The following PAN3 variants were observed in gnomAD, a reference collection of about 807,000 sequenced individuals.
The protein encoded by PAN3 is PAN2-PAN3 deadenylation complex subunit PAN3.
In PAN3, 19 loss-of-function variants were observed where a neutral mutation model predicts 96.2. The ratio of observed to expected loss-of-function variants is 0.20; its 90% CI spans 0.14 to 0.29. PAN3 has a LOEUF of 0.29. Ranked by LOEUF, PAN3 falls within the 10% of genes least tolerant of loss-of-function variation. PAN3 has a pLI of 1.00. For synonymous variants in PAN3, 433 were observed against 406.6 expected (o/e 1.06, Z -0.78); for missense variants, 882 against 1,108.1 (o/e 0.80, Z 2.90).
intron 1 of PAN3, among the ~76,000 whole-genome samples, chr13:28,145,323 CT>C (rs1039776069): frequency 8.6e-5 from 13 of 151,686 alleles, no homozygotes; most frequent in African/African-American, 2.4e-4. Context: ...AATTTTTTGA[CT>C]TTTTTTTGAC....
intron 5 of PAN3, among the ~76,000 whole-genome samples, chr13:28,204,112 TTC>T (rs1879078526): frequency 6.6e-6 from 1 of 152,094 alleles, no homozygotes; most frequent in African/African-American, 2.4e-5. Context: ...CCCGACCAGC[TTC>T]TCTGTTTTAT....
chr13:28,188,137 T>A (rs1489985427), intron 4 of PAN3, among the ~76,000 whole-genome samples: 1 of 152,214 alleles, frequency 6.6e-6, no homozygotes, highest in Non-Finnish European at 1.5e-5. Context: ...TTATTTTCTT[T>A]TACAGCATCA....
chr13:28,193,384 A>T (rs1167651298), intron 4 of PAN3, among the ~76,000 whole-genome samples: 1 of 152,122 alleles, frequency 6.6e-6, no homozygotes, highest in East Asian at 1.9e-4. Flanking sequence ...TCCCTTTTTG[A>T]AATGAAGAAA....
chr13:28,144,103 A>G (rs1158048119), intron 1 of PAN3, among the ~76,000 whole-genome samples: 1 of 152,092 alleles, frequency 6.6e-6, no homozygotes, highest in Non-Finnish European at 1.5e-5. Context: ...TTAAGGTGAT[A>G]GGAACAACAA....
intron 6 of PAN3, among the ~76,000 whole-genome samples, chr13:28,254,590 G>A (rs950205412): frequency 1.3e-5 from 2 of 152,176 alleles, no homozygotes; most frequent in African/African-American, 4.8e-5. Context: ...AATTTTTGCT[G>A]TATGGATTAA....
intron 1 of PAN3, among the ~76,000 whole-genome samples, chr13:28,146,783 C>T (rs1000634804): frequency 6.6e-6 from 1 of 152,136 alleles, no homozygotes; most frequent in Non-Finnish European, 1.5e-5. Context: ...ACAGACCATC[C>T]TGGCCAACAT....
chr13:28,257,791 ATAAT>A (rs1485564729), intron 7 of PAN3, among the ~76,000 whole-genome samples: 3 of 140,312 alleles, frequency 2.1e-5, no homozygotes, highest in East Asian at 3.9e-4. Context: ...TATATAATAT[ATAAT>A]TAATATATAA....
chr13:28,193,755 A>AC (rs1374163835), intron 4 of PAN3, among the ~76,000 whole-genome samples: 8 of 149,752 alleles, frequency 5.3e-5, no homozygotes, highest in African/African-American at 1.5e-4. Context: ...AAAAAAAAAA[A>AC]ACCCAAGAAA....
chr13:28,181,442 G>A (rs1593423005), intron 4 of PAN3, among the ~76,000 whole-genome samples: 1 of 150,204 alleles, frequency 6.7e-6, no homozygotes, highest in African/African-American at 2.5e-5. Flanking sequence ...AGCCCAGGAG[G>A]TGGAGGCTGC....
chr13:28,154,855 C>G (rs1031239695), intron 1 of PAN3, among the ~76,000 whole-genome samples: 1 of 144,314 alleles, frequency 6.9e-6, no homozygotes, highest in African/African-American at 2.6e-5. Flanking sequence ...GAGTCTCGCT[C>G]TGTCATCCAG....
intron 5 of PAN3, among the ~76,000 whole-genome samples, chr13:28,207,418 C>T (rs9319420): frequency 0.048 from 7,275 of 152,158 alleles, 274 homozygotes; most frequent in South Asian, 0.15. Context: ...TCTGATCTTG[C>T]CTCTCATCTT....
rs755626393 is a variant in PAN3 at position 28,256,494 on chromosome 13, G to A, written c.1203G>A (p.Thr401=). 30 of 1,613,856 alleles carry A rather than the reference G, an allele frequency of 1.9e-5. No homozygotes were observed. In the South Asian group the frequency reaches 2.6e-4, roughly 14 times the overall value. Residue 401 remains threonine (T), a synonymous_variant, in exon 7 of 19, where the codon ACG becomes ACA. Transcript: ENST00000380958. ...TCCAAAAGGAAACTGTTGGTGGGAC[G>A]ACTTACTTCTATACAGACACAACTC... ...QVIQKETVGG[T]TYFYTDTTPA...
rs35542876 is a variant in PAN3 at position 28,280,555 on chromosome 13, A to ATTT, written c.2319+36_2319+38dup. On this transcript the variant is annotated intron_variant, in intron 16 of 18. Transcript: ENST00000380958. The stretch of plus-strand genomic sequence containing the variant: ...GACCTTGCAAAGGTAAAGAGTGTAA[A>ATTT]TTTTTTTTTTTTTTTTTTTTTTTTG... 0.017 allele frequency: 18,715 copies of ATTT among 1,131,516 alleles called. 18 individuals are homozygous for ATTT. Among genetic ancestry groups the ATTT allele is most frequent in the South Asian group, 0.049 (2,603 of 52,614 alleles). The allele number at this position is 1,131,516 out of a possible 1,614,324, so 70.1% of individuals were successfully genotyped here.
In PAN3 at chr13:28,272,087, C is replaced by T. The variant is rs772534135; in HGVS notation, c.2049+16C>T. On this transcript the variant is annotated intron_variant, in intron 14 of 18. Transcript: ENST00000380958. ...CCAGTACCAGGTGAGTAAGAATTAACATGGATATTTACTTGTTTTCCTTTA... is the reference window on the plus strand; with the variant it reads ...CCAGTACCAGGTGAGTAAGAATTAATATGGATATTTACTTGTTTTCCTTTA... 12 of 1,458,290 alleles carry T rather than the reference C, an allele frequency of 8.2e-6. No individual in the cohort carries two copies. The South Asian group carries it at 1.5e-4, about 18-fold the overall frequency. 90.3% of individuals were successfully genotyped at this position (1,458,290 alleles called of 1,614,324 possible). A position where few individuals can be genotyped will look rare whatever the true frequency, so the allele number is the denominator to read the frequency against.
intron 5 of PAN3, chr13:28,214,782 A>AT: frequency 1.7e-6 from 1 of 594,086 alleles, no homozygotes; most frequent in Non-Finnish European, 3.1e-6. Flanking sequence ...ATGACTTAGC[A>AT]TTGATGCCCC....
At chr13:28,148,967 A>G (rs887586674) in intron 1 of PAN3, among the ~76,000 whole-genome samples, 1 of 152,152 alleles carries the variant, frequency 6.6e-6, no homozygotes, top group African/African-American at 2.4e-5. Flanking sequence ...TGTACTATGT[A>G]TATTTATTTA....
At position 28,174,362 on chromosome 13, in the gene PAN3, G is replaced by A. The variant is rs145640790; in HGVS notation, c.521G>A (p.Ser174Asn). 255 of 1,613,104 alleles carry A rather than the reference G, an allele frequency of 1.6e-4. No homozygotes were observed. The highest frequency in any genetic ancestry group is 2.1e-4 in the Non-Finnish European group (252 of 1,179,324). ...TTTATTGGAGTCAATGGATTTGGAA[G>A]CCCTGTAGAAACAAAATATCCCCTG... ...TSFIGVNGFG[S>N]PVETKYPLMQ... Residue 174 changes from serine (S) to asparagine (N), a missense_variant, in exon 2 of 19, where the codon AGC becomes AAC. Ser to Asn is a conservative substitution (Grantham distance 46, BLOSUM62 1). This residue lies in a region of PAN3 where 442 missense variants were observed against 422.8 expected (regional missense o/e 1.05). Coordinates refer to ENST00000380958, the MANE Select transcript of PAN3 (RefSeq NM_175854.8).
intron 2 of PAN3, 126 bp downstream of exon 2, chr13:28,174,519 TG>T: frequency 9.1e-7 from 1 of 1,094,976 alleles, no homozygotes; most frequent in Non-Finnish European, 1.3e-6. Flanking sequence ...GTGAGATGGG[TG>T]AGATGTAGGT....
At chr13:28,150,045 A>G (rs1169441040) in intron 1 of PAN3, among the ~76,000 whole-genome samples, 3 of 152,164 alleles carry the variant, frequency 2.0e-5, no homozygotes, top group African/African-American at 4.8e-5. Context: ...TTGCTCCTCT[A>G]AGTTTACTCT....
Sources: gnomAD v4.1 joint callset for allele counts (sites outside exome capture counted in the v4.1 genomes callset) on GRCh38, gnomAD v4.1.1 for gene constraint, gnomAD v4.1.1 regional missense constraint, MANE v1.5 for transcripts, NCBI Gene and HGNC (gene_info 2026-07-23, HGNC 2026-07-21) for gene names.